RECK: variants seen among roughly 807,000 people sequenced by gnomAD.
RECK encodes reversion inducing cysteine rich protein with kazal motifs, also known as reversion-inducing cysteine-rich protein with Kazal motifs.
A neutral mutation model predicts 115.1 loss-of-function variants in RECK; 69 were observed. The observed-to-expected ratio is 0.60, with a 90% confidence interval of 0.49 to 0.73. RECK has a LOEUF of 0.73. RECK is among the 30% of genes least tolerant of loss of function. RECK has a pLI of 0.00. For synonymous variants in RECK, 414 were observed against 419.7 expected (o/e 0.99, Z 0.17); for missense variants, 1,047 against 1,203.7 (o/e 0.87, Z 1.93).
chr9:36,108,061 T>G lies in RECK; in HGVS notation c.1662T>G (p.Cys554Trp), dbSNP rs1823891142. ...CATCATCTGCAGGGGAAGTTGGTTG[T>G]TATAAAATCTGTTCATGTGGACAAA... ...QVPSSAGEVG[C>W]YKICSCGQSG... The change falls in exon 14 of 21, where the codon TGT becomes TGG. Residue 554 changes from cysteine to tryptophan, a missense_variant. Cys to Trp is a radical substitution (Grantham distance 215, BLOSUM62 -2). Coordinates refer to ENST00000377966, the MANE Select transcript of RECK (RefSeq NM_021111.3). The G allele has an allele frequency of 1.2e-6, 2 of 1,614,084 alleles. No individual in the cohort carries two copies. The highest frequency in any genetic ancestry group is 1.7e-6 in the Non-Finnish European group (2 of 1,179,910).
rs182556866 is a variant in RECK, at chr9:36,087,164, C to G, written c.638-530C>G. Among the ~76,000 whole-genome samples the G allele has an allele frequency of 7.5e-3, 1,111 of 148,858 alleles. 13 individuals are homozygous for G. The highest frequency in any genetic ancestry group is 0.024 in the African/African-American group (990 of 40,520). ...ATGTTCTGTGCTAAGCAGAGCATGA[C>G]AAAAAAAGAAAAAAAAAACATGCAC... is the stretch of plus-strand genomic sequence containing the variant. On this transcript the variant is annotated intron_variant, in intron 8 of 20. Transcript: ENST00000377966.
At chr9:36,117,326 C>T (rs911964342) in intron 17 of RECK, 149 bp downstream of exon 17, 15 of 606,400 alleles carry the variant, frequency 2.5e-5, no homozygotes, top group Non-Finnish European at 4.2e-5. Context: ...AAAAGGAAGA[C>T]TGGCTCCTTC....
At position 36,039,164 on chromosome 9, in the gene RECK, T is replaced by TA. The variant is rs11308688; in HGVS notation, c.100+2078dup. On this transcript the variant is annotated intron_variant, in intron 1 of 20. Coordinates refer to ENST00000377966, the MANE Select transcript of RECK (RefSeq NM_021111.3). ...ACAACATATAGTTTGCATTGTTTGA[T>TA]AAAAAAAAAAAATTCCAAGTTTGAT... 4.1e-3 allele frequency among the ~76,000 whole-genome samples: 623 copies of TA among 150,258 alleles called. 4 individuals carry two copies. Among genetic ancestry groups the TA allele is most frequent in the Non-Finnish European group, 5.0e-3 (337 of 67,294 alleles).
chr9:36,072,310 C>G (rs1326273704), intron 6 of RECK, among the ~76,000 whole-genome samples: 1 of 152,032 alleles, frequency 6.6e-6, no homozygotes, highest in Non-Finnish European at 1.5e-5. Context: ...AAAAATTAGC[C>G]CAATTTAGAG....
chr9:36,090,964 G>GTTTCC (rs1823133406), intron 9 of RECK, among the ~76,000 whole-genome samples, 200 bp from the exon 10 acceptor site: 1 of 152,178 alleles, frequency 6.6e-6, no homozygotes, highest in Non-Finnish European at 1.5e-5. Context: ...AGAAAAGGTA[G>GTTTCC]GTGATAAAAG....
chr9:36,079,415 AG>A (rs1422019930), intron 6 of RECK, among the ~76,000 whole-genome samples: 1 of 152,238 alleles, frequency 6.6e-6, no homozygotes, highest in African/African-American at 2.4e-5. Flanking sequence ...AGTCTCTAGC[AG>A]AAAGAATTCA....
chr9:36,108,096 TAGAA>T lies in RECK; in HGVS notation c.1699_1702del (p.Glu567ThrfsTer8). 2 of 1,614,118 alleles carry T rather than the reference TAGAA, an allele frequency of 1.2e-6. No individual in the cohort carries two copies. The highest frequency in any genetic ancestry group is 1.7e-6 in the Non-Finnish European group (2 of 1,179,976). On this transcript the variant is annotated frameshift_variant, in exon 14 of 21. Transcript: ENST00000377966. LOFTEE classifies it high-confidence loss of function. ...TGTTCATGTGGACAAAGTGGACTCT[TAGAA>T]AACTGTATGGAAATGCACTGTATAG...
intron 2 of RECK, among the ~76,000 whole-genome samples, chr9:36,058,017 G>A (rs1821600261): frequency 6.6e-6 from 1 of 150,632 alleles, no homozygotes; most frequent in African/African-American, 2.4e-5. Context: ...GTGCTGGAGA[G>A]GATGTGGAGA....
chr9:36,073,231 G>GACACACACAC (rs1296993241), intron 6 of RECK, among the ~76,000 whole-genome samples: 7 of 94,984 alleles, frequency 7.4e-5, no homozygotes, highest in Non-Finnish European at 9.1e-5. Flanking sequence ...GACACACACA[G>GACACACACAC]ACACACACAG....
chr9:36,098,014 G>C (rs531292761), intron 10 of RECK, among the ~76,000 whole-genome samples: 1 of 152,314 alleles, frequency 6.6e-6, no homozygotes, highest in East Asian at 1.9e-4. Context: ...GTGGTTACCA[G>C]AGGGTGGCTG....
chr9:36,061,430 ACACACACAG>A (rs905831334), intron 4 of RECK, among the ~76,000 whole-genome samples: 2 of 150,608 alleles, frequency 1.3e-5, no homozygotes, highest in African/African-American at 4.9e-5. Context: ...ACACACACAC[ACACACACAG>A]TTGCTAACAA....
intron 8 of RECK, chr9:36,085,180 G>T (rs1822900234): frequency 8.8e-6 from 2 of 228,502 alleles, no homozygotes; most frequent in Middle Eastern, 4.6e-4. Flanking sequence ...CACAGTGTTT[G>T]AATTTTTTGC....
chr9:36,071,725 T>C (rs891140118), intron 6 of RECK, among the ~76,000 whole-genome samples: 1 of 152,090 alleles, frequency 6.6e-6, no homozygotes, highest in African/African-American at 2.4e-5. Context: ...AGGACTAACT[T>C]TTTTTTAGTC....
At chr9:36,113,086 C>T (rs1338179310) in intron 16 of RECK, among the ~76,000 whole-genome samples, 1 of 152,200 alleles carries the variant, frequency 6.6e-6, no homozygotes, top group Non-Finnish European at 1.5e-5. Flanking sequence ...TTGTTTTGAG[C>T]TCCTTTCTCT....
intron 1 of RECK, 26 bp from the exon 2 acceptor site, chr9:36,052,239 A>G: frequency 1.3e-6 from 2 of 1,492,624 alleles, no homozygotes; most frequent in Non-Finnish European, 1.9e-6. Context: ...GTGGAACAAC[A>G]TTTGATGTTT....
rs1823219885 is a variant in RECK, at chr9:36,092,996, G to C, written c.1085+1653G>C. Among the ~76,000 whole-genome samples the C allele has an allele frequency of 2.0e-5, 3 of 152,184 alleles. No individual in the cohort carries two copies. The South Asian group carries it at 6.2e-4, about 32-fold the overall frequency. On this transcript the variant is annotated intron_variant, in intron 10 of 20. Coordinates refer to ENST00000377966, the MANE Select transcript of RECK (RefSeq NM_021111.3). ...GCAGGATGAGACTACAAGGAACCCA[G>C]GGGAAGGTGAACATAGACTATAGCA... is the stretch of plus-strand genomic sequence containing the variant.
chr9:36,044,418 G>T (rs1045474317), intron 1 of RECK, among the ~76,000 whole-genome samples: 3 of 152,080 alleles, frequency 2.0e-5, no homozygotes, highest in African/African-American at 7.2e-5. Flanking sequence ...CATATGATCG[G>T]CAAACAGCAA....
intron 6 of RECK, among the ~76,000 whole-genome samples, chr9:36,076,844 GAACAAAC>G (rs1822470271): frequency 6.6e-6 from 1 of 152,146 alleles, no homozygotes; most frequent in Admixed American, 6.5e-5. Context: ...ATTACTCTGT[GAACAAAC>G]ATTCAACCTT....
intron 1 of RECK, among the ~76,000 whole-genome samples, chr9:36,049,584 A>G (rs1821205470): frequency 6.6e-6 from 1 of 152,214 alleles, no homozygotes; most frequent in Non-Finnish European, 1.5e-5. Context: ...GGCCACATGC[A>G]GCCCATGGGC....
Sources: gnomAD v4.1 joint callset for allele counts (sites outside exome capture counted in the v4.1 genomes callset) on GRCh38, gnomAD v4.1.1 for gene constraint, MANE v1.5 for transcripts, NCBI Gene and HGNC (gene_info 2026-07-23, HGNC 2026-07-21) for gene names.